Variants in ERO1B observed in about 807,000 individuals in gnomAD.
ERO1B encodes the protein endoplasmic reticulum oxidoreductase 1 beta.
ERO1B carries 49 observed loss-of-function variants against 75.3 expected under a neutral mutation model. The observed-to-expected ratio is 0.65, with a 90% CI of 0.52 to 0.83. ERO1B has a LOEUF of 0.83. Ranked by LOEUF, ERO1B falls within the 40% of genes least tolerant of loss-of-function variation. The probability of loss-of-function intolerance (pLI) is 0.00; values close to 1 mark genes in which losing one functional copy is unlikely to be tolerated. For synonymous variants in ERO1B, 191 were observed against 192.9 expected (o/e 0.99, Z 0.08); for missense variants, 512 against 560.1 (o/e 0.91, Z 0.87).
At chr1:236,259,027 T>C (rs1665232699) in intron 2 of ERO1B, among the ~76,000 whole-genome samples, 1 of 152,036 alleles carries the variant, frequency 6.6e-6, no homozygotes, top group African/African-American at 2.4e-5. Flanking sequence ...AGACAAAATA[T>C]TAAAAATAAA....
chr1:236,238,370 GAAGTAT>G (rs1181934414), intron 6 of ERO1B, among the ~76,000 whole-genome samples: 4 of 151,990 alleles, frequency 2.6e-5, no homozygotes, highest in African/African-American at 4.8e-5. Flanking sequence ...TTCAAATTAT[GAAGTAT>G]AAGTATGGCT....
intron 15 of ERO1B, among the ~76,000 whole-genome samples, chr1:236,220,020 A>AT (rs1474171923): frequency 8.8e-6 from 1 of 113,410 alleles, no homozygotes; most frequent in Non-Finnish European, 1.7e-5. Flanking sequence ...CGAGACCCTC[A>AT]TCTCTTTTAA....
At position 236,259,757 on chromosome 1, in the gene ERO1B, AAG is replaced by A. The variant is rs1665250634; in HGVS notation, c.223-6254_223-6253del. On this transcript the variant is annotated intron_variant, in intron 2 of 15. Coordinates refer to ENST00000354619, the MANE Select transcript of ERO1B (RefSeq NM_019891.4). ...TATAAAGCAAATATCAATAGCTTTG[AAG>A]AGAGAGATAAATTGCAATACAATAA... Among the ~76,000 whole-genome samples the A allele has an allele frequency of 3.3e-5, 5 of 152,322 alleles. No homozygotes were observed. In the South Asian group the frequency reaches 1.0e-3, roughly 32 times the overall value.
intron 2 of ERO1B, among the ~76,000 whole-genome samples, chr1:236,260,853 A>T (rs1665278564): frequency 1.2e-5 from 1 of 86,404 alleles, no homozygotes; most frequent in South Asian, 3.2e-4. Context: ...CACTACAAAA[A>T]AATAAACAAA....
intron 3 of ERO1B, among the ~76,000 whole-genome samples, chr1:236,252,662 C>A (rs538299220): frequency 6.6e-6 from 1 of 152,218 alleles, no homozygotes; most frequent in South Asian, 2.1e-4. Context: ...ATAAATGTAT[C>A]TGAATTATTA....
Position 236,281,913 on chromosome 1 carries a change from G to T in ERO1B, c.-130C>A. ...TCCAGGGTCAGAGGTCTGCACTCCA[G>T]TCCGGAGGCAGGCGACTCTTTCCCC... On this transcript the variant is annotated 5_prime_UTR_variant, in exon 1 of 16. It adds an upstream start codon to the 5' untranslated region. Coordinates refer to ENST00000354619, the MANE Select transcript of ERO1B (RefSeq NM_019891.4). The T allele has an allele frequency of 2.0e-6, 1 of 493,982 alleles. No individual in the cohort carries two copies. Among genetic ancestry groups the T allele is most frequent in the Non-Finnish European group, 3.2e-6 (1 of 312,274 alleles). The allele number at this position is 493,982 out of a possible 1,614,324, so 30.6% of individuals were successfully genotyped here.
chr1:236,271,278 A>G (rs1428294833), intron 1 of ERO1B, among the ~76,000 whole-genome samples: 1 of 152,228 alleles, frequency 6.6e-6, no homozygotes, highest in Non-Finnish European at 1.5e-5. Flanking sequence ...AATATATGCA[A>G]GTAATGATCA....
intron 15 of ERO1B, 41 bp from the exon 16 acceptor site, chr1:236,218,617 T>A (rs1614938): frequency 0.4 from 479,360 of 1,199,186 alleles, 106,566 homozygotes; most frequent in East Asian, 0.88. Context: ...GGCTAACATG[T>A]TGCATACTGT....
At position 236,232,837 on chromosome 1, in the gene ERO1B, C is replaced by T. The variant is rs200615884; in HGVS notation, c.676G>A (p.Glu226Lys). ...CATGAGTTTTGCTCACCATCATCTT[C>T]GCCTAAAAGAGAAAATAATAGAAAA... ...PLNPLAPSRGEDDGESFYTWL... is the reference protein window; with the variant it reads ...PLNPLAPSRGKDDGESFYTWL... The change falls in exon 9 of 16, where the codon GAA (glutamate) becomes AAA (lysine). Residue 226 changes from glutamate (E) to lysine (K), a missense_variant and splice_region_variant. Physicochemically the swap from Glu to Lys is moderately conservative, Grantham distance 56. Transcript: ENST00000354619. The T allele has an allele frequency of 2.8e-5, 45 of 1,591,864 alleles. No individual in the cohort carries two copies. Among genetic ancestry groups the T allele is most frequent in the Non-Finnish European group, 3.5e-5 (41 of 1,169,028 alleles).
intron 2 of ERO1B, among the ~76,000 whole-genome samples, chr1:236,267,015 A>C (rs1233992321): frequency 1.3e-5 from 2 of 152,206 alleles, no homozygotes; most frequent in Non-Finnish European, 2.9e-5. Context: ...AACAGTCCCT[A>C]ATTTCCCTTT....
intron 1 of ERO1B, among the ~76,000 whole-genome samples, chr1:236,273,254 T>C (rs1665637846): frequency 6.6e-6 from 1 of 152,208 alleles, no homozygotes; most frequent in South Asian, 2.1e-4. Flanking sequence ...ATCATGACAA[T>C]ACCTAGAAGC....
chr1:236,258,558 C>T (rs1456703340), intron 2 of ERO1B, among the ~76,000 whole-genome samples: 2 of 152,226 alleles, frequency 1.3e-5, no homozygotes, highest in Non-Finnish European at 1.5e-5. Flanking sequence ...ATCCTTCAAG[C>T]TGAAGAAAAA....
At chr1:236,243,088 G>C (rs1474564904) in intron 6 of ERO1B, among the ~76,000 whole-genome samples, 1 of 152,166 alleles carries the variant, frequency 6.6e-6, no homozygotes, top group Non-Finnish European at 1.5e-5. Flanking sequence ...AAGAATACAG[G>C]TTTTGGATTC....
At position 236,221,965 on chromosome 1, in the gene ERO1B, A is replaced by T. The variant is rs1324304366; in HGVS notation, c.1168T>A (p.Cys390Ser). 2 of 1,613,706 alleles carry T rather than the reference A, an allele frequency of 1.2e-6. No individual in the cohort carries two copies. The highest frequency in any genetic ancestry group is 4.5e-5 in the East Asian group (2 of 44,866). ...HFKNISRIMD[C>S]VGCDKCRLWG... is the part of the protein sequence containing the mutation. Reference sequence around the variant, plus strand: ...AATCTGCATTTGTCACATCCAACACAGTCCATTATACGGGAGATATTCTTG... The same window carrying T: ...AATCTGCATTTGTCACATCCAACACTGTCCATTATACGGGAGATATTCTTG... Residue 390 changes from cysteine (C) to serine (S), a missense_variant, in exon 14 of 16, where the codon TGT becomes AGT. By Grantham distance (112) the Cys-to-Ser change is moderately radical. Transcript: ENST00000354619.
chr1:236,273,867 G>A (rs922379999), intron 1 of ERO1B, among the ~76,000 whole-genome samples: 3 of 150,070 alleles, frequency 2.0e-5, no homozygotes, highest in East Asian at 2.0e-4. Flanking sequence ...GAATAGAACC[G>A]CTGAAAGTAT....
At chr1:236,224,917 G>A (rs910022323) in intron 13 of ERO1B, among the ~76,000 whole-genome samples, 153 bp downstream of exon 13, 6 of 152,168 alleles carry the variant, frequency 3.9e-5, no homozygotes, top group African/African-American at 1.4e-4. Flanking sequence ...GAGAAATATG[G>A]AAAGGCTTTT....
intron 6 of ERO1B, among the ~76,000 whole-genome samples, chr1:236,239,881 G>GTATA (rs1664651783): frequency 1.3e-4 from 5 of 39,476 alleles, no homozygotes; most frequent in Admixed American, 2.8e-4. Context: ...GTGTATATGT[G>GTATA]TGTGTGTGTG....
At chr1:236,269,664 C>A (rs941678219) in intron 2 of ERO1B, among the ~76,000 whole-genome samples, 4 of 152,100 alleles carry the variant, frequency 2.6e-5, no homozygotes, top group Non-Finnish European at 5.9e-5. Flanking sequence ...AAAACCAAAA[C>A]TGAAAAATGA....
Position 236,269,928 on chromosome 1 carries a change from T to C in ERO1B, c.169A>G (p.Ile57Val). 6.2e-7 allele frequency: 1 copy of C among 1,605,432 alleles called. No homozygotes were observed. The highest frequency in any genetic ancestry group is 8.5e-7 in the Non-Finnish European group (1 of 1,172,218). The change falls in exon 2 of 16, where the codon ATC (isoleucine) becomes GTC (valine). Residue 57 changes from isoleucine to valine, a missense_variant. Ile to Val is a conservative substitution (Grantham distance 29). Transcript: ENST00000354619. ...DSIDNFNTYK[I>V]FPKIKKLQER... ...TGCAATTTTTTTATTTTGGGGAAGATTTTGTAGGTATTGAAGTTATCGATG... is the reference window on the plus strand; with the variant it reads ...TGCAATTTTTTTATTTTGGGGAAGACTTTGTAGGTATTGAAGTTATCGATG...
Sources: gnomAD v4.1 joint callset for allele counts (sites outside exome capture counted in the v4.1 genomes callset) on GRCh38, gnomAD v4.1.1 for gene constraint, MANE v1.5 for transcripts, NCBI Gene and HGNC (gene_info 2026-07-23, HGNC 2026-07-21) for gene names.